Variants in DPP6 observed in about 807,000 individuals in gnomAD.
DPP6 encodes dipeptidyl peptidase like 6, also known as A-type potassium channel modulatory protein DPP6.
DPP6 carries 69 observed loss-of-function variants against 122.6 expected under a neutral mutation model. The ratio of observed to expected loss-of-function variants is 0.56; its 90% CI spans 0.46 to 0.69. DPP6 has a LOEUF of 0.69. Ranked by LOEUF, DPP6 falls within the 30% of genes least tolerant of loss-of-function variation. DPP6 has a pLI of 0.00. For missense variants in DPP6, 928 were observed against 1,116.9 expected (o/e 0.83, Z 2.41); for synonymous variants, 418 against 433.1 (o/e 0.97, Z 0.43).
chr7:153,884,497 A>G (rs1320706292), upstream of DPP6, among the ~76,000 whole-genome samples: 1 of 152,218 alleles, frequency 6.6e-6, no homozygotes, highest in East Asian at 1.9e-4. Flanking sequence ...AGAACTAGAA[A>G]TACCATTTGA....
At chr7:154,538,450 G>T (rs959753654) in intron 3 of DPP6, among the ~76,000 whole-genome samples, 1 of 151,986 alleles carries the variant, frequency 6.6e-6, no homozygotes, top group Non-Finnish European at 1.5e-5. Context: ...TGTTTTCATT[G>T]TTCAGCTCCC....
chr7:154,887,650 A>G, intron 22 of DPP6, 26 bp from the exon 23 acceptor site: 1 of 1,612,778 alleles, frequency 6.2e-7, no homozygotes, highest in Non-Finnish European at 8.5e-7. Flanking sequence ...GCCAGAGGTA[A>G]CCTCCCTCCC....
chr7:154,608,359 GCT>G (rs1455721535), intron 5 of DPP6, among the ~76,000 whole-genome samples: 2 of 90,914 alleles, frequency 2.2e-5, no homozygotes, highest in African/African-American at 3.3e-5. Context: ...ATGGAATCTC[GCT>G]CTGTTACCCA....
the DPP6 span, among the ~76,000 whole-genome samples, chr7:153,781,459 G>A: frequency 3.3e-4 from 51 of 152,330 alleles, no homozygotes; most frequent in African/African-American, 1.1e-3. Flanking sequence ...ACTGGGCCCC[G>A]TAAGGAACAG....
chr7:154,132,844 G>A (rs1277915953), intron 1 of DPP6, among the ~76,000 whole-genome samples: 3 of 151,954 alleles, frequency 2.0e-5, no homozygotes, highest in African/African-American at 7.3e-5. Flanking sequence ...ACGTTGTTGT[G>A]TCTCTGCCCT....
chr7:153,778,601 A>T, the DPP6 span, among the ~76,000 whole-genome samples: 1 of 150,780 alleles, frequency 6.6e-6, no homozygotes, highest in African/African-American at 2.5e-5. Context: ...CAGCACCATG[A>T]TAATCAAGAG....
intron 1 of DPP6, among the ~76,000 whole-genome samples, chr7:154,316,780 T>C (rs1205877037): frequency 6.6e-6 from 1 of 151,908 alleles, no homozygotes; most frequent in Admixed American, 6.6e-5. Flanking sequence ...TACACAGAAG[T>C]GAATGAGTTA....
At chr7:153,987,224 A>G (rs71530439) in intron 1 of DPP6, among the ~76,000 whole-genome samples, 4 of 152,194 alleles carry the variant, frequency 2.6e-5, no homozygotes, top group East Asian at 1.9e-4. Flanking sequence ...GTAGATTGCA[A>G]TATAAATTGG....
At chr7:154,579,982 C>T (rs987791347) in intron 5 of DPP6, among the ~76,000 whole-genome samples, 2 of 152,056 alleles carry the variant, frequency 1.3e-5, no homozygotes, top group South Asian at 4.1e-4. Flanking sequence ...GCACTTTGCC[C>T]GGAATGAGCC....
At chr7:154,362,904 G>A (rs1291666728) in intron 1 of DPP6, among the ~76,000 whole-genome samples, 1 of 152,202 alleles carries the variant, frequency 6.6e-6, no homozygotes, top group Admixed American at 6.5e-5. Context: ...TTGGAGTGGA[G>A]ACTCTTCGTC....
At chr7:154,675,768 GCT>G (rs1464550699) in intron 7 of DPP6, among the ~76,000 whole-genome samples, 1 of 152,172 alleles carries the variant, frequency 6.6e-6, no homozygotes, top group Non-Finnish European at 1.5e-5. Context: ...CCGTTGCCCT[GCT>G]CTGGCACGGT....
At chr7:154,726,161 G>C (rs2131360263) in intron 7 of DPP6, among the ~76,000 whole-genome samples, 1 of 152,246 alleles carries the variant, frequency 6.6e-6, no homozygotes, top group Middle Eastern at 3.4e-3. Context: ...GCTGTCAGTG[G>C]ATCTACCATT....
chr7:154,268,384 C>T (rs1803572335), intron 1 of DPP6, among the ~76,000 whole-genome samples: 1 of 152,204 alleles, frequency 6.6e-6, no homozygotes, highest in Non-Finnish European at 1.5e-5. Flanking sequence ...ACAGATTCAG[C>T]ATCTGGTGAG....
chr7:154,023,318 GCACACACACACACACACACA>G (rs1554436897), intron 1 of DPP6, among the ~76,000 whole-genome samples: 3 of 129,528 alleles, frequency 2.3e-5, no homozygotes, highest in African/African-American at 6.4e-5. Context: ...TTTCTTGTCT[GCACACACACACACACACACA>G]CACACACACA....
At chr7:154,560,579 GATTAAA>G (rs897873747) in intron 4 of DPP6, among the ~76,000 whole-genome samples, 30 of 152,082 alleles carry the variant, frequency 2.0e-4, no homozygotes, top group Non-Finnish European at 1.8e-4. Flanking sequence ...TAAAGACATA[GATTAAA>G]ATTAAGTGAA....
intron 16 of DPP6, among the ~76,000 whole-genome samples, chr7:154,818,762 G>A (rs1288331930): frequency 6.6e-6 from 1 of 152,210 alleles, no homozygotes; most frequent in Non-Finnish European, 1.5e-5. Flanking sequence ...CATTGCTGGT[G>A]TGTTTGTAAG....
intron 1 of DPP6, among the ~76,000 whole-genome samples, chr7:154,164,107 A>G (rs1176312131): frequency 6.6e-6 from 1 of 151,996 alleles, no homozygotes; most frequent in Non-Finnish European, 1.5e-5. Flanking sequence ...GCTCAGGTTC[A>G]GGTCTTGGGC....
At chr7:154,276,253 A>G (rs1247163725) in intron 1 of DPP6, among the ~76,000 whole-genome samples, 1 of 152,210 alleles carries the variant, frequency 6.6e-6, no homozygotes. Flanking sequence ...TTGAATTGCT[A>G]ACTGATTTTT....
At chr7:154,231,178 A>G (rs1267736263) in intron 1 of DPP6, among the ~76,000 whole-genome samples, 1 of 152,190 alleles carries the variant, frequency 6.6e-6, no homozygotes, top group East Asian at 1.9e-4. Flanking sequence ...TCTTGGGATC[A>G]CAGGTTTGAT....
Sources: gnomAD v4.1 joint callset for allele counts (sites outside exome capture counted in the v4.1 genomes callset) on GRCh38, gnomAD v4.1.1 for gene constraint, MANE v1.5 for transcripts, NCBI Gene and HGNC (gene_info 2026-07-23, HGNC 2026-07-21) for gene names.